The following SP4 variants were observed in gnomAD, a reference collection of about 807,000 sequenced individuals.
The protein encoded by SP4 is Sp4 transcription factor.
In SP4, 19 loss-of-function variants were observed where a neutral mutation model predicts 72.8. The ratio of observed to expected loss-of-function variants is 0.26; its 90% confidence interval spans 0.18 to 0.38. The LOEUF is 0.38. SP4 is among the 10% of genes least tolerant of loss of function. The probability of loss-of-function intolerance (pLI) is 1.00; values close to 1 mark genes in which losing one functional copy is unlikely to be tolerated. For missense variants in SP4, 1,008 were observed against 926.3 expected (o/e 1.09, Z -1.14); for synonymous variants, 395 against 333.1 (o/e 1.19, Z -2.02).
rs1782216730 is a variant in SP4, at chr7:21,514,422, T to C, written c.*3153T>C. On this transcript the variant is annotated 3_prime_UTR_variant, in exon 6 of 6. Coordinates refer to ENST00000222584, the MANE Select transcript of SP4 (RefSeq NM_003112.5). The stretch of plus-strand genomic sequence containing the variant: ...TTGATGTGCAGCATAGGGTATTAAA[T>C]CTACATAATGATTTTAAAACAGAAA... 1 of 152,292 alleles carries C rather than the reference T, an allele frequency of 6.6e-6. No individual in the cohort carries two copies. The highest frequency in any genetic ancestry group is 2.1e-4 in the South Asian group (1 of 4,816). The allele number at this position is 152,292 out of a possible 1,614,324, so 9.4% of individuals were successfully genotyped here. A position where few individuals can be genotyped will look rare whatever the true frequency, so the allele number is the denominator to read the frequency against.
intron 5 of SP4, among the ~76,000 whole-genome samples, chr7:21,507,180 G>A (rs1360242795): frequency 6.6e-6 from 1 of 152,170 alleles, no homozygotes; most frequent in Non-Finnish European, 1.5e-5. Context: ...TCTAGGAGTG[G>A]TTTCATTTTT....
intron 5 of SP4, among the ~76,000 whole-genome samples, chr7:21,486,627 G>A (rs544923929): frequency 6.6e-6 from 1 of 152,090 alleles, no homozygotes; most frequent in African/African-American, 2.4e-5. Flanking sequence ...TAGCACATTA[G>A]TGTCTTTCTC....
chr7:21,464,550 G>C (rs1342572463), intron 3 of SP4, among the ~76,000 whole-genome samples: 1 of 150,318 alleles, frequency 6.7e-6, no homozygotes, highest in Non-Finnish European at 1.5e-5. Context: ...TGCTCCGTTT[G>C]TCACAATCTT....
intron 3 of SP4, among the ~76,000 whole-genome samples, chr7:21,436,121 A>G (rs528503736): frequency 1.3e-5 from 2 of 152,106 alleles, no homozygotes; most frequent in South Asian, 2.1e-4. Flanking sequence ...CTGGTCTCGA[A>G]CTCTTGACCT....
rs754354170 is a variant in SP4, at chr7:21,429,450, G to A, written c.285G>A (p.Thr95=). The A allele has an allele frequency of 4.3e-6, 7 of 1,614,136 alleles. No homozygotes were observed. Among genetic ancestry groups the A allele is most frequent in the South Asian group, 1.1e-5 (1 of 91,074 alleles). ...NQPQQLELVT[T]QLAGNAWQLV... ...CACAACAGCTAGAACTGGTAACAAC[G>A]CAACTTGCTGGAAACGCTTGGCAAC... Residue 95 remains threonine, a synonymous_variant, in exon 3 of 6, where the codon ACG becomes ACA. Transcript: ENST00000222584.
In SP4 at chr7:21,511,295, A is replaced by G. The variant is rs763820731; in HGVS notation, c.*26A>G. ...AAAGTTATTTATAACAGAGACCTCT[A>G]GTGCTGCACTTGTTTACACACCTTT... On this transcript the variant is annotated 3_prime_UTR_variant, in exon 6 of 6. Coordinates refer to ENST00000222584, the MANE Select transcript of SP4 (RefSeq NM_003112.5). 2.5e-5 allele frequency: 40 copies of G among 1,604,484 alleles called. No individual in the cohort carries two copies. The highest frequency in any genetic ancestry group is 3.2e-5 in the Non-Finnish European group (38 of 1,173,968).
At chr7:21,428,820 A>C in intron 2 of SP4, 28 bp downstream of exon 2, 1 of 1,513,638 alleles carries the variant, frequency 6.6e-7, no homozygotes, top group Non-Finnish European at 8.9e-7. Flanking sequence ...AAAAAAATTC[A>C]TCACGACACA....
chr7:21,474,953 T>C (rs1482466912), intron 3 of SP4, among the ~76,000 whole-genome samples: 1 of 152,134 alleles, frequency 6.6e-6, no homozygotes, highest in Non-Finnish European at 1.5e-5. Flanking sequence ...GAGAGTGAGA[T>C]TGACTTTGGC....
At chr7:21,443,438 T>C (rs1172245837) in intron 3 of SP4, among the ~76,000 whole-genome samples, 1 of 152,236 alleles carries the variant, frequency 6.6e-6, no homozygotes, top group Non-Finnish European at 1.5e-5. Flanking sequence ...AGTTAGGGGA[T>C]ACTTTGAGAA....
intron 5 of SP4, among the ~76,000 whole-genome samples, chr7:21,497,415 C>A (rs553915534): frequency 6.6e-6 from 1 of 152,196 alleles, no homozygotes; most frequent in African/African-American, 2.4e-5. Flanking sequence ...GAAATTCAGC[C>A]ATTTTTCTTG....
intron 5 of SP4, among the ~76,000 whole-genome samples, chr7:21,498,718 T>C (rs1011807191): frequency 3.3e-5 from 5 of 152,222 alleles, no homozygotes; most frequent in Non-Finnish European, 7.3e-5. Context: ...GAAGCCTTAA[T>C]GATCATAGTC....
At chr7:21,435,979 A>G (rs1783039191) in intron 3 of SP4, among the ~76,000 whole-genome samples, 1 of 151,946 alleles carries the variant, frequency 6.6e-6, no homozygotes, top group Non-Finnish European at 1.5e-5. Flanking sequence ...ATCTGTTCCA[A>G]CCTCCACCTC....
chr7:21,477,159 A>G lies in SP4; in HGVS notation c.1759A>G (p.Asn587Asp). 1.9e-6 allele frequency: 3 copies of G among 1,614,190 alleles called. No individual in the cohort carries two copies. Among genetic ancestry groups the G allele is most frequent in the Non-Finnish European group, 8.5e-7 (1 of 1,179,986 alleles). ...PVTVAVGGIA[N>D]ATIGAVSPDQ... ...AACTGTAGCAGTTGGAGGAATTGCT[A>G]ATGCCACGATAGGTGCTGTTAGTCC... The change falls in exon 4 of 6, where the codon AAT becomes GAT. Residue 587 changes from asparagine (N) to aspartate (D), a missense_variant. Around this residue, in one of 3 missense-constraint regions of SP4, gnomAD observed 893 missense variants for 743.3 expected, o/e 1.20. Transcript: ENST00000222584.
At chr7:21,502,545 A>G (rs958970947) in intron 5 of SP4, among the ~76,000 whole-genome samples, 5 of 152,102 alleles carry the variant, frequency 3.3e-5, no homozygotes, top group Admixed American at 6.5e-5. Flanking sequence ...ATTCCATCCT[A>G]GGGGAAATGG....
chr7:21,451,293 T>C (rs1298656863), intron 3 of SP4, among the ~76,000 whole-genome samples: 1 of 152,222 alleles, frequency 6.6e-6, no homozygotes, highest in Non-Finnish European at 1.5e-5. Flanking sequence ...TTCTAGCTAC[T>C]GAGAGACTGC....
At chr7:21,451,488 G>A (rs1463633353) in intron 3 of SP4, among the ~76,000 whole-genome samples, 1 of 152,078 alleles carries the variant, frequency 6.6e-6, no homozygotes, top group East Asian at 1.9e-4. Flanking sequence ...AAAATGGATG[G>A]TCAGTCTTCT....
intron 3 of SP4, among the ~76,000 whole-genome samples, chr7:21,445,827 C>CT (rs1299875627): frequency 1.3e-5 from 2 of 152,066 alleles, no homozygotes; most frequent in African/African-American, 2.4e-5. Context: ...GATTTTCTCT[C>CT]TTTTTTTAGT....
chr7:21,442,006 TTGTGTGTGTGTG>T (rs58100749), intron 3 of SP4, among the ~76,000 whole-genome samples: 12 of 130,546 alleles, frequency 9.2e-5, no homozygotes, highest in East Asian at 4.9e-4. Flanking sequence ...GTGTGTGTGT[TTGTGTGTGTGTG>T]TGTGTGTGTG....
chr7:21,494,183 T>G (rs1459833478), intron 5 of SP4, among the ~76,000 whole-genome samples: 1 of 152,204 alleles, frequency 6.6e-6, no homozygotes, highest in Non-Finnish European at 1.5e-5. Context: ...AACATCATTC[T>G]TAATGATGAA....
Sources: allele counts gnomAD v4.1 joint callset (sites outside exome capture counted in the v4.1 genomes callset), GRCh38; gene constraint gnomAD v4.1.1; regional missense constraint gnomAD v4.1.1; transcripts MANE v1.5; gene names NCBI Gene and HGNC (gene_info 2026-07-23, HGNC 2026-07-21).